Variants in GDA observed in about 807,000 individuals in gnomAD.
GDA encodes cytoplasmic PSD-95 interactor.
A neutral mutation model predicts 59.6 loss-of-function variants in GDA; 18 were observed. The ratio of observed to expected loss-of-function variants is 0.30; its 90% CI spans 0.21 to 0.45. GDA has a LOEUF of 0.45. Among genes scored for constraint, GDA ranks in the 20% least tolerant of loss-of-function variants. GDA has a pLI of 1.00. For missense variants in GDA, 427 were observed against 552.3 expected, an observed-to-expected ratio of 0.77 and a Z score of 2.27; for synonymous variants, 201 against 201.1, an observed-to-expected ratio of 1.00 and a Z score of 0.00.
intron 2 of GDA, among the ~76,000 whole-genome samples, chr9:72,201,759 A>C (rs2131341290): frequency 6.6e-6 from 1 of 152,322 alleles, no homozygotes; most frequent in East Asian, 1.9e-4. Flanking sequence ...GAAAAGCATG[A>C]AGTGTCTGTT....
chr9:72,219,965 A>G (rs952932520), intron 6 of GDA, among the ~76,000 whole-genome samples: 4 of 152,266 alleles, frequency 2.6e-5, no homozygotes, highest in Admixed American at 2.0e-4. Flanking sequence ...TTGAAAAGAT[A>G]TCTGCACTTC....
At chr9:72,245,059 A>G in intron 11 of GDA, 89 bp from the exon 12 acceptor site, 1 of 1,276,744 alleles carries the variant, frequency 7.8e-7, no homozygotes. Flanking sequence ...TCCTAGCGAC[A>G]TGTTGGCAAA....
chr9:72,219,135 T>G (rs970418805), intron 5 of GDA, among the ~76,000 whole-genome samples: 1 of 152,178 alleles, frequency 6.6e-6, no homozygotes, highest in African/African-American at 2.4e-5. Flanking sequence ...CCGGTCGCGG[T>G]GGTTCACGCC....
chr9:72,187,691 G>A (rs1443476987), intron 1 of GDA, among the ~76,000 whole-genome samples: 1 of 152,256 alleles, frequency 6.6e-6, no homozygotes, highest in African/African-American at 2.4e-5. Context: ...AAAAAGCCTA[G>A]ATTGCTGTAA....
chr9:72,210,234 G>A (rs191296215), intron 3 of GDA, among the ~76,000 whole-genome samples: 17 of 152,274 alleles, frequency 1.1e-4, no homozygotes, highest in African/African-American at 3.8e-4. Flanking sequence ...GGTTAATAAC[G>A]TTTGTACTCC....
intron 1 of GDA, among the ~76,000 whole-genome samples, chr9:72,161,836 C>T (rs1363921819): frequency 6.6e-6 from 1 of 152,194 alleles, no homozygotes; most frequent in Non-Finnish European, 1.5e-5. Context: ...GCATTCAATG[C>T]ATGCTTTTAA....
chr9:72,195,327 A>C (rs983148294), intron 1 of GDA, among the ~76,000 whole-genome samples, 173 bp from the exon 2 acceptor site: 5 of 146,736 alleles, frequency 3.4e-5, no homozygotes, highest in Admixed American at 2.1e-4. Context: ...GACCAAAAGC[A>C]AACACCTGTC....
chr9:72,167,551 T>G (rs1009347438), intron 1 of GDA, among the ~76,000 whole-genome samples: 4 of 152,226 alleles, frequency 2.6e-5, no homozygotes, highest in African/African-American at 9.7e-5. Flanking sequence ...CTAAGAAGCA[T>G]AGCTTAAGCA....
intron 1 of GDA, among the ~76,000 whole-genome samples, chr9:72,136,990 A>AAAC (rs143720929): frequency 0.021 from 3,254 of 151,570 alleles, 124 homozygotes; most frequent in African/African-American, 0.074. Context: ...CTCAAAAAGA[A>AAAC]AACAACAACA....
chr9:72,216,551 C>A (rs919540113), intron 5 of GDA, among the ~76,000 whole-genome samples: 1 of 152,034 alleles, frequency 6.6e-6, no homozygotes, highest in Non-Finnish European at 1.5e-5. Flanking sequence ...AAACACTGTG[C>A]TAAGACAAAG....
intron 10 of GDA, among the ~76,000 whole-genome samples, chr9:72,233,145 T>C (rs1838549660): frequency 6.6e-6 from 1 of 152,222 alleles, no homozygotes; most frequent in Non-Finnish European, 1.5e-5. Flanking sequence ...TTGTAAACTT[T>C]AGAAGATTAT....
At chr9:72,141,936 C>T (rs2130653877) in intron 1 of GDA, among the ~76,000 whole-genome samples, 1 of 152,258 alleles carries the variant, frequency 6.6e-6, no homozygotes, top group South Asian at 2.1e-4. Context: ...ATTTCAGTGG[C>T]TTCCCGACTC....
At chr9:72,220,216 G>A (rs1836695124) in intron 6 of GDA, among the ~76,000 whole-genome samples, 2 of 152,080 alleles carry the variant, frequency 1.3e-5, no homozygotes, top group South Asian at 4.1e-4. Context: ...TCACTTATTT[G>A]TGAAATCTAA....
intron 10 of GDA, among the ~76,000 whole-genome samples, chr9:72,231,444 AG>A (rs1309107431): frequency 6.6e-6 from 1 of 151,992 alleles, no homozygotes; most frequent in Non-Finnish European, 1.5e-5. Context: ...GTGCGCCTGT[AG>A]TCTCAGCTAC....
At chr9:72,134,648 C>A (rs977307202) in intron 1 of GDA, among the ~76,000 whole-genome samples, 6 of 152,204 alleles carry the variant, frequency 3.9e-5, no homozygotes, top group African/African-American at 1.2e-4. Flanking sequence ...AGGTGATCCA[C>A]CTGCCTCAGC....
rs143872784 is a variant in GDA at position 72,170,255 on chromosome 9, T to C, written c.123+20573T>C. ...AGTGCGGTAGCTTCTGGGGCACTTG[T>C]GCATATTACTTTTAAAGATAGAATC... is the stretch of plus-strand genomic sequence containing the variant. On this transcript the variant is annotated intron_variant, in intron 1 of 13. Transcript: ENST00000358399. Among the ~76,000 whole-genome samples, 6 of 152,330 alleles carry C rather than the reference T, an allele frequency of 3.9e-5. No homozygotes were observed. In the East Asian group the frequency reaches 1.2e-3, roughly 29 times the overall value.
intron 1 of GDA, among the ~76,000 whole-genome samples, chr9:72,154,187 G>A (rs1827608430): frequency 6.6e-6 from 1 of 152,152 alleles, no homozygotes; most frequent in Non-Finnish European, 1.5e-5. Context: ...GGGGTGGCAG[G>A]AGCAAGTCCA....
chr9:72,159,445 C>T (rs558029949), intron 1 of GDA, among the ~76,000 whole-genome samples: 1 of 152,154 alleles, frequency 6.6e-6, no homozygotes, highest in East Asian at 1.9e-4. Context: ...CCTTTCTCAG[C>T]AAACCCCACC....
intron 1 of GDA, among the ~76,000 whole-genome samples, chr9:72,183,367 A>G (rs1166685252): frequency 1.3e-5 from 2 of 151,964 alleles, no homozygotes; most frequent in Non-Finnish European, 2.9e-5. Flanking sequence ...CCCTGACCCT[A>G]TTAGCATTCT....
Sources: allele counts gnomAD v4.1 joint callset (sites outside exome capture counted in the v4.1 genomes callset), GRCh38; gene constraint gnomAD v4.1.1; transcripts MANE v1.5; gene names NCBI Gene and HGNC (gene_info 2026-07-23, HGNC 2026-07-21).